Variants in FANCI observed in about 807,000 individuals in gnomAD.
FANCI encodes Fanconi anemia group I protein.
Under a neutral mutation model 176.1 loss-of-function variants are expected in FANCI, and 156 were observed. The observed-to-expected ratio is 0.89, with a 90% CI of 0.78 to 1.01. The LOEUF is 1.01. Ranked by LOEUF, FANCI falls within the 50% of genes least tolerant of loss-of-function variation. The pLI is 0.00. For synonymous variants in FANCI, 613 were observed against 541.7 expected (o/e 1.13, Z -1.83); for missense variants, 1,678 against 1,534.1 (o/e 1.09, Z -1.57).
chr15:89,295,725 C>T (rs1178180348), intron 24 of FANCI, among the ~76,000 whole-genome samples: 1 of 142,446 alleles, frequency 7.0e-6, no homozygotes, highest in Non-Finnish European at 1.5e-5. Context: ...TCTTGCCTTC[C>T]CCTGGCGCCC....
chr15:89,296,698 TG>T (rs2054290223), intron 24 of FANCI, among the ~76,000 whole-genome samples: 2 of 152,334 alleles, frequency 1.3e-5, no homozygotes, highest in South Asian at 4.1e-4. Flanking sequence ...CCGTTCTCAA[TG>T]AGCTGTTGGG....
chr15:89,293,323 C>T (rs1376055937), intron 22 of FANCI, among the ~76,000 whole-genome samples: 1 of 152,164 alleles, frequency 6.6e-6, no homozygotes, highest in African/African-American at 2.4e-5. Flanking sequence ...TCAAGAACTC[C>T]TAATTTTAAC....
intron 1 of FANCI, among the ~76,000 whole-genome samples, chr15:89,246,513 T>C (rs776295879): frequency 1.3e-5 from 2 of 152,158 alleles, no homozygotes; most frequent in Non-Finnish European, 2.9e-5. Context: ...CTCACTATTT[T>C]CCTACTTGGA....
At chr15:89,300,109 G>A in intron 25 of FANCI, 143 bp downstream of exon 25, 1 of 1,041,698 alleles carries the variant, frequency 9.6e-7, no homozygotes. Flanking sequence ...ATTCAGGATT[G>A]GTACCTACTG....
At chr15:89,297,339 C>T (rs2054336521) in intron 24 of FANCI, among the ~76,000 whole-genome samples, 3 of 152,100 alleles carry the variant, frequency 2.0e-5, no homozygotes, top group African/African-American at 7.2e-5. Context: ...CAGAGACGCT[C>T]CTCACTTCCC....
At chr15:89,305,524 T>G in intron 30 of FANCI, 81 bp from the exon 31 acceptor site, 1 of 1,581,876 alleles carries the variant, frequency 6.3e-7, no homozygotes, top group East Asian at 2.2e-5. Context: ...AACCCACCTG[T>G]AGGTGGCCAG....
At chr15:89,292,572 G>A (rs1174784820) in intron 20 of FANCI, 116 bp from the exon 21 acceptor site, 9 of 1,018,756 alleles carry the variant, frequency 8.8e-6, no homozygotes, top group African/African-American at 4.8e-5. Flanking sequence ...AATTTGTAAC[G>A]CCAATGAATC....
chr15:89,252,699 C>T (rs2052312766), intron 2 of FANCI, among the ~76,000 whole-genome samples: 1 of 152,138 alleles, frequency 6.6e-6, no homozygotes, highest in South Asian at 2.1e-4. Flanking sequence ...GAGATCACGC[C>T]ACTGTACTCC....
rs770195885 is a variant in FANCI, at chr15:89,315,386, AGAG to A, written c.3923_3924+1del. The A allele has an allele frequency of 1.2e-6, 2 of 1,604,848 alleles. No individual in the cohort carries two copies. Among genetic ancestry groups the A allele is most frequent in the South Asian group, 2.2e-5 (2 of 90,882 alleles). On this transcript the variant is annotated inframe_deletion and splice_region_variant, in exon 37 of 38. Transcript: ENST00000310775. ...GAGAGGATGGTGAAGATGAAAATGA[AGAG>A]GTCAGTGCTGGCTTCTGTCTGGAGC...
chr15:89,246,248 C>A (rs1383664440), intron 1 of FANCI, among the ~76,000 whole-genome samples: 6 of 152,162 alleles, frequency 3.9e-5, no homozygotes. Flanking sequence ...TTTCTGTTCT[C>A]CAGTCACCAC....
chr15:89,250,361 G>C (rs2052186775), intron 2 of FANCI, among the ~76,000 whole-genome samples: 1 of 152,172 alleles, frequency 6.6e-6, no homozygotes, highest in South Asian at 2.1e-4. Flanking sequence ...ATACTATGCA[G>C]CCATAAAAAA....
intron 14 of FANCI, among the ~76,000 whole-genome samples, chr15:89,280,920 A>G (rs2053589800): frequency 6.6e-6 from 1 of 152,234 alleles, no homozygotes; most frequent in South Asian, 2.1e-4. Flanking sequence ...AGGCAGTGTA[A>G]TCGGTTTCTT....
At chr15:89,284,102 G>A (rs1184984622) in intron 17 of FANCI, among the ~76,000 whole-genome samples, 1 of 152,050 alleles carries the variant, frequency 6.6e-6, no homozygotes, top group Non-Finnish European at 1.5e-5. Context: ...TAGATATTGT[G>A]CCAAAATGCT....
intron 2 of FANCI, among the ~76,000 whole-genome samples, chr15:89,255,066 G>A (rs2052435162): frequency 6.6e-6 from 1 of 152,098 alleles, no homozygotes. Flanking sequence ...ATCCCACTCA[G>A]CATCCTACAT....
rs370246233 is a variant in FANCI, at chr15:89,297,335, C to T, written c.2636+2241C>T. On this transcript the variant is annotated intron_variant, in intron 24 of 37. Coordinates refer to ENST00000310775, the MANE Select transcript of FANCI (RefSeq NM_001113378.2). Reference sequence around the variant, plus strand: ...AGATGGGATTGCGGCCGGGCAGAGACGCTCCTCACTTCCCAGACGGGGTGG... The same window carrying T: ...AGATGGGATTGCGGCCGGGCAGAGATGCTCCTCACTTCCCAGACGGGGTGG... Among the ~76,000 whole-genome samples the T allele has an allele frequency of 2.5e-4, 38 of 151,618 alleles. No homozygotes were observed. The East Asian group carries it at 2.6e-3, about 10-fold the overall frequency.
intron 10 of FANCI, among the ~76,000 whole-genome samples, chr15:89,269,517 T>C (rs1002741800): frequency 6.6e-6 from 1 of 152,202 alleles, no homozygotes; most frequent in African/African-American, 2.4e-5. Context: ...TTGTCTTGTG[T>C]AATGTCCCAC....
At chr15:89,306,509 T>C (rs1369530452) in intron 32 of FANCI, among the ~76,000 whole-genome samples, 3 of 152,080 alleles carry the variant, frequency 2.0e-5, no homozygotes, top group Non-Finnish European at 4.4e-5. Flanking sequence ...CTGGCCAACA[T>C]GGTGAAACCC....
At chr15:89,269,778 C>T (rs1348892762) in intron 10 of FANCI, among the ~76,000 whole-genome samples, 1 of 151,838 alleles carries the variant, frequency 6.6e-6, no homozygotes, top group African/African-American at 2.4e-5. Context: ...GAATTTTATT[C>T]CGTTTTTATA....
In FANCI at chr15:89,276,851, C is replaced by T. The variant is rs748297673; in HGVS notation, c.1253C>T (p.Ala418Val). The T allele has an allele frequency of 6.2e-7, 1 of 1,614,158 alleles. No homozygotes were observed. The highest frequency in any genetic ancestry group is 8.5e-7 in the Non-Finnish European group (1 of 1,180,030). The change falls in exon 13 of 38, where the codon GCA becomes GTA. Residue 418 changes from alanine (A) to valine (V), a missense_variant. Coordinates refer to ENST00000310775, the MANE Select transcript of FANCI (RefSeq NM_001113378.2). Reference sequence around the variant, plus strand: ...CTTTCTAGAATGCCAAACCAGCATGCATGTAAGCTCGGAGCTAATATCCTG... The same window carrying T: ...CTTTCTAGAATGCCAAACCAGCATGTATGTAAGCTCGGAGCTAATATCCTG... ...PSLSRMPNQH[A>V]CKLGANILLE... is the part of the protein sequence containing the mutation.
Sources: gnomAD v4.1 joint callset for allele counts (sites outside exome capture counted in the v4.1 genomes callset) on GRCh38, gnomAD v4.1.1 for gene constraint, MANE v1.5 for transcripts, NCBI Gene and HGNC (gene_info 2026-07-23, HGNC 2026-07-21) for gene names.